The following ZYG11B variants were observed in gnomAD, a reference collection of about 807,000 sequenced individuals.
ZYG11B encodes the protein protein zyg-11 homolog B.
Under a neutral mutation model 82.4 loss-of-function variants are expected in ZYG11B, and 36 were observed. The ratio of observed to expected loss-of-function variants is 0.44; its 90% CI spans 0.33 to 0.58. The LOEUF (loss-of-function observed/expected upper bound fraction) is 0.58, where lower values mean the gene tolerates loss of function less well. ZYG11B is among the 20% of genes least tolerant of loss of function. ZYG11B has a pLI of 0.02. For missense variants in ZYG11B, 552 were observed against 895.6 expected, an observed-to-expected ratio of 0.62 and a Z score of 4.90; for synonymous variants, 303 against 312.8, an observed-to-expected ratio of 0.97 and a Z score of 0.33.
chr1:52,743,712 AC>A (rs1644453414), intron 1 of ZYG11B, among the ~76,000 whole-genome samples: 1 of 151,912 alleles, frequency 6.6e-6, no homozygotes, highest in Non-Finnish European at 1.5e-5. Context: ...TTCTGTCCCC[AC>A]CCCCCAAAAA....
At chr1:52,736,275 T>TTTTA (rs58123684) in intron 1 of ZYG11B, among the ~76,000 whole-genome samples, 14,710 of 149,464 alleles carry the variant, frequency 0.098, 1,575 homozygotes, top group East Asian at 0.35. Context: ...AATGAAAGTG[T>TTTTA]TTTATTTATT....
chr1:52,813,505 T>C, intron 10 of ZYG11B, 31 bp from the exon 11 acceptor site: 1 of 1,523,614 alleles, frequency 6.6e-7, no homozygotes, highest in Non-Finnish European at 8.9e-7. Flanking sequence ...ACATATTACA[T>C]TAATTTTTAT....
At chr1:52,742,166 T>C (rs1044003637) in intron 1 of ZYG11B, among the ~76,000 whole-genome samples, 5 of 152,116 alleles carry the variant, frequency 3.3e-5, no homozygotes, top group African/African-American at 9.7e-5. Context: ...CTGATTCTTA[T>C]GAGTTGAGAG....
intron 6 of ZYG11B, among the ~76,000 whole-genome samples, chr1:52,794,934 G>C (rs1270862306): frequency 1.3e-5 from 2 of 152,178 alleles, no homozygotes; most frequent in African/African-American, 4.8e-5. Flanking sequence ...TCCTGCTTCT[G>C]TCCTTGCCCT....
At chr1:52,766,546 G>T (rs937213070) in intron 2 of ZYG11B, among the ~76,000 whole-genome samples, 1 of 151,784 alleles carries the variant, frequency 6.6e-6, no homozygotes, top group African/African-American at 2.4e-5. Context: ...TTTTGAGTTT[G>T]AAGTCTTACT....
chr1:52,762,214 T>G (rs1395991710), intron 2 of ZYG11B, among the ~76,000 whole-genome samples: 1 of 147,600 alleles, frequency 6.8e-6, no homozygotes, highest in Non-Finnish European at 1.5e-5. Flanking sequence ...TGCCTGTGCT[T>G]TTTTTTTTTT....
intron 6 of ZYG11B, among the ~76,000 whole-genome samples, chr1:52,795,390 A>G (rs1418283508): frequency 2.0e-5 from 3 of 152,082 alleles, no homozygotes; most frequent in Non-Finnish European, 4.4e-5. Flanking sequence ...TTTTCTTTAT[A>G]AATTACCCGG....
rs115676828 is a variant in ZYG11B at position 52,800,398 on chromosome 1, G to T, written c.1486-1421G>T. On this transcript the variant is annotated intron_variant, in intron 8 of 13. Coordinates refer to ENST00000294353, the MANE Select transcript of ZYG11B (RefSeq NM_024646.3). ...TTTGTTTATTTTACTGTTTTCAGGG[G>T]TGACAGTTTTAAAAAATGACTTCTT... 6.8e-3 allele frequency among the ~76,000 whole-genome samples: 1,041 copies of T among 152,148 alleles called. 21 individuals carry two copies. The highest frequency in any genetic ancestry group is 0.024 in the African/African-American group (1,000 of 41,496).
chr1:52,794,233 C>G (rs906809691), intron 6 of ZYG11B, among the ~76,000 whole-genome samples: 1 of 152,106 alleles, frequency 6.6e-6, no homozygotes, highest in Non-Finnish European at 1.5e-5. Flanking sequence ...CTCGGCCTCC[C>G]AAAGTGCTGG....
chr1:52,802,161 C>T (rs1479869518), intron 10 of ZYG11B, 22 bp downstream of exon 10: 2 of 1,600,108 alleles, frequency 1.2e-6, no homozygotes, highest in East Asian at 4.5e-5. Flanking sequence ...GCACTTCCTG[C>T]TAAGTTCCAA....
chr1:52,748,389 G>A (rs1416534920), intron 1 of ZYG11B, among the ~76,000 whole-genome samples: 1 of 152,188 alleles, frequency 6.6e-6, no homozygotes, highest in Non-Finnish European at 1.5e-5. Context: ...AAACAAAGTT[G>A]TTTATTGAAG....
chr1:52,740,566 T>TTC (rs71246235), intron 1 of ZYG11B, among the ~76,000 whole-genome samples: 6 of 85,274 alleles, frequency 7.0e-5, no homozygotes, highest in African/African-American at 5.2e-4. Flanking sequence ...TACTACCTTC[T>TTC]TTTTTTTTTT....
At chr1:52,764,114 T>TTTATC (rs1644659936) in intron 2 of ZYG11B, among the ~76,000 whole-genome samples, 1 of 31,166 alleles carries the variant, frequency 3.2e-5, no homozygotes, top group South Asian at 8.1e-4. Context: ...ATGTTGATTC[T>TTTATC]TTATTTTATT....
In ZYG11B at chr1:52,756,489, T is replaced by G. The variant is rs368673386; in HGVS notation, c.62T>G (p.Ile21Ser). The G allele has an allele frequency of 6.2e-7, 1 of 1,614,180 alleles. No individual in the cohort carries two copies. The highest frequency in any genetic ancestry group is 8.5e-7 in the Non-Finnish European group (1 of 1,180,030). The stretch of plus-strand genomic sequence containing the variant: ...GCGTCTCCCTATTCCTTACTTGATA[T>G]CTGCTTGAATTTCTTGACTACTCAC... ...EEASPYSLLD[I>S]CLNFLTTHLE... Residue 21 changes from isoleucine (I) to serine (S), a missense_variant, in exon 2 of 14, where the codon ATC becomes AGC. This residue lies in a region of ZYG11B where 359 missense variants were observed against 555.8 expected (regional missense o/e 0.65). Transcript: ENST00000294353.
At chr1:52,754,959 CTT>C (rs34416689) in intron 1 of ZYG11B, among the ~76,000 whole-genome samples, 12 of 126,646 alleles carry the variant, frequency 9.5e-5, no homozygotes, top group Admixed American at 1.7e-4. Context: ...AAAGCCTATT[CTT>C]TTTTTTTTTT....
At chr1:52,746,241 C>T (rs967848099) in intron 1 of ZYG11B, among the ~76,000 whole-genome samples, 2 of 152,176 alleles carry the variant, frequency 1.3e-5, no homozygotes, top group African/African-American at 2.4e-5. Context: ...TGTGAGCCAC[C>T]GCACCTGGCG....
At chr1:52,755,123 G>A (rs1289023701) in intron 1 of ZYG11B, among the ~76,000 whole-genome samples, 1 of 151,908 alleles carries the variant, frequency 6.6e-6, no homozygotes, top group Non-Finnish European at 1.5e-5. Flanking sequence ...ACCATGCCTG[G>A]CTAATTTTTT....
intron 1 of ZYG11B, among the ~76,000 whole-genome samples, chr1:52,748,073 A>G (rs1018029602): frequency 6.6e-6 from 1 of 152,216 alleles, no homozygotes; most frequent in South Asian, 2.1e-4. Context: ...AGTAGTTAAG[A>G]ACTTAAAAAT....
intron 5 of ZYG11B, 64 bp downstream of exon 5, chr1:52,785,117 TC>T: frequency 6.6e-7 from 1 of 1,526,350 alleles, no homozygotes; most frequent in Non-Finnish European, 8.9e-7. Context: ...CTCCTACAGT[TC>T]AGTTTAATAG....
Sources: allele counts gnomAD v4.1 joint callset (sites outside exome capture counted in the v4.1 genomes callset), GRCh38; gene constraint gnomAD v4.1.1; regional missense constraint gnomAD v4.1.1; transcripts MANE v1.5; gene names NCBI Gene and HGNC (gene_info 2026-07-23, HGNC 2026-07-21).